MAML1: variants seen among roughly 807,000 people sequenced by gnomAD.
MAML1 encodes mastermind like transcriptional coactivator 1, also known as mastermind-like protein 1.
In MAML1, 14 loss-of-function variants were observed where a neutral mutation model predicts 77.1. The ratio of observed to expected loss-of-function variants is 0.18; its 90% CI spans 0.12 to 0.28. The LOEUF is 0.28. Ranked by LOEUF, MAML1 falls within the 10% of genes least tolerant of loss-of-function variation. MAML1 has a pLI of 1.00. For synonymous variants in MAML1, 516 were observed against 551.9 expected, an observed-to-expected ratio of 0.93 and a Z score of 0.91; for missense variants, 1,217 against 1,327.8, an observed-to-expected ratio of 0.92 and a Z score of 1.30.
chr5:179,753,471 G>T (rs1779545250), intron 1 of MAML1, among the ~76,000 whole-genome samples: 2 of 152,070 alleles, frequency 1.3e-5, no homozygotes, highest in South Asian at 2.1e-4. Flanking sequence ...TGTTTTATTT[G>T]TAAAGGGAAT....
intron 1 of MAML1, among the ~76,000 whole-genome samples, chr5:179,734,365 T>C (rs1171525260): frequency 6.6e-6 from 1 of 152,220 alleles, no homozygotes; most frequent in East Asian, 1.9e-4. Context: ...CTCGAAATGC[T>C]GGAAATCCTT....
chr5:179,775,851 T>G lies in MAML1; in HGVS notation c.*974T>G, dbSNP rs989756391. On this transcript the variant is annotated 3_prime_UTR_variant, in exon 5 of 5. Coordinates refer to ENST00000292599, the MANE Select transcript of MAML1 (RefSeq NM_014757.5). ...TCTCTGCAGCCCAAATGGAAAACAA[T>G]TATTTACTCCATTGGAGGGAAAGGA... 2 of 985,382 alleles carry G rather than the reference T, an allele frequency of 2.0e-6. No individual in the cohort carries two copies. The highest frequency in any genetic ancestry group is 3.5e-5 in the African/African-American group (2 of 57,226). 61.0% of individuals were successfully genotyped at this position (985,382 alleles called of 1,614,324 possible).
intron 1 of MAML1, among the ~76,000 whole-genome samples, chr5:179,753,898 C>T (rs951540957): frequency 8.6e-5 from 13 of 151,730 alleles, no homozygotes; most frequent in African/African-American, 2.9e-4. Flanking sequence ...TCTCGAACTC[C>T]CGACCTCAAG....
At chr5:179,750,446 C>T (rs1207130205) in intron 1 of MAML1, among the ~76,000 whole-genome samples, 1 of 138,650 alleles carries the variant, frequency 7.2e-6, no homozygotes, top group Non-Finnish European at 1.6e-5. Flanking sequence ...GTGGCTGGCT[C>T]AGTCAGCTCT....
In MAML1 at chr5:179,733,315, C is replaced by T; in HGVS notation, c.203C>T (p.Ala68Val). The change falls in exon 1 of 5, where the codon GCC (alanine) becomes GTC (valine). Residue 68 changes from alanine to valine, a missense_variant. By Grantham distance (64) the Ala-to-Val change is moderately conservative. Around this residue, in one of 3 missense-constraint regions of MAML1, gnomAD observed 312 missense variants for 331.4 expected, o/e 0.94. Transcript: ENST00000292599. ...CACCAGCGCTGCATCCAGGCCAAGG[C>T]CAAGCGCGCCGGGAAGCACAGGCAG... ...ALHQRCIQAKAKRAGKHRQPP... is the reference protein window; with the variant it reads ...ALHQRCIQAKVKRAGKHRQPP... The T allele has an allele frequency of 7.2e-7, 1 of 1,392,116 alleles. No homozygotes were observed. Among genetic ancestry groups the T allele is most frequent in the African/African-American group, 1.5e-5 (1 of 66,652 alleles). 86.2% of individuals were successfully genotyped at this position (1,392,116 alleles called of 1,614,324 possible).
At position 179,766,603 on chromosome 5, in the gene MAML1, G is replaced by T. The variant is rs1282819032; in HGVS notation, c.1593G>T (p.Gly531=). Residue 531 remains glycine (G), a synonymous_variant, in exon 2 of 5, where the codon GGG becomes GGT. Coordinates refer to ENST00000292599, the MANE Select transcript of MAML1 (RefSeq NM_014757.5). The surrounding 1 kb of genome is among the most constrained non-coding windows in gnomAD (Gnocchi z 4.0). The stretch of plus-strand genomic sequence containing the variant: ...CGGACTGTGGGCAAGGCAGCCCGGG[G>T]TCTGGCCAGAGCAAGCCAGCCCTGA... The part of the protein sequence containing the change: ...YKADCGQGSP[G]SGQSKPALMA... The T allele has an allele frequency of 4.3e-6, 7 of 1,613,142 alleles. No individual in the cohort carries two copies. In the Admixed American group the frequency reaches 5.0e-5, roughly 12 times the overall value.
At chr5:179,749,649 A>G (rs894202011) in intron 1 of MAML1, among the ~76,000 whole-genome samples, 1 of 152,176 alleles carries the variant, frequency 6.6e-6, no homozygotes, top group African/African-American at 2.4e-5. Context: ...CTAAATCATG[A>G]AAGAGTAAGA....
At chr5:179,744,422 A>G (rs1779342240) in intron 1 of MAML1, among the ~76,000 whole-genome samples, 1 of 152,064 alleles carries the variant, frequency 6.6e-6, no homozygotes, top group Non-Finnish European at 1.5e-5. Context: ...TCCTGACCTC[A>G]TGATCCACCT....
rs61748798 is a variant in MAML1, at chr5:179,765,457, C to G, written c.447C>G (p.Ala149=). ...KTRREAPLGV[A]ISSNGLPPAS... ...GCCGGGAGGCCCCTCTGGGAGTTGCCATCTCTTCCAATGGACTGCCTCCAG... is the reference window on the plus strand; with the variant it reads ...GCCGGGAGGCCCCTCTGGGAGTTGCGATCTCTTCCAATGGACTGCCTCCAG... The change falls in exon 2 of 5, where the codon GCC becomes GCG. Residue 149 remains alanine (A), a synonymous_variant. Coordinates refer to ENST00000292599, the MANE Select transcript of MAML1 (RefSeq NM_014757.5). 1.1e-3 allele frequency: 1,801 copies of G among 1,614,150 alleles called. 18 individuals carry two copies. The African/African-American group carries it at 0.021, about 19-fold the overall frequency.
At chr5:179,749,691 T>A (rs12522263) in intron 1 of MAML1, among the ~76,000 whole-genome samples, 42,797 of 152,006 alleles carry the variant, frequency 0.28, 6,356 homozygotes, top group Non-Finnish European at 0.34. Context: ...CCCAACACAG[T>A]AGACATGGCC....
At position 179,776,829 on chromosome 5, in the gene MAML1, C is replaced by A; in HGVS notation, c.*1952C>A. On this transcript the variant is annotated 3_prime_UTR_variant, in exon 5 of 5. Coordinates refer to ENST00000292599, the MANE Select transcript of MAML1 (RefSeq NM_014757.5). ...GCAATAAAATGTGATTCTTGGGGTC[C>A]CCCCAGGGAGCTGCCCATGGCTTTA... 2 of 985,874 alleles carry A rather than the reference C, an allele frequency of 2.0e-6. No homozygotes were observed. The highest frequency in any genetic ancestry group is 2.4e-6 in the Non-Finnish European group (2 of 829,972). 61.1% of individuals were successfully genotyped at this position (985,874 alleles called of 1,614,324 possible). A position where few individuals can be genotyped will look rare whatever the true frequency, so the allele number is the denominator to read the frequency against.
At position 179,776,767 on chromosome 5, in the gene MAML1, G is replaced by A. The variant is rs1463290452; in HGVS notation, c.*1890G>A. 10 of 985,844 alleles carry A rather than the reference G, an allele frequency of 1.0e-5. No homozygotes were observed. In the East Asian group the frequency reaches 6.8e-4, roughly 67 times the overall value. The allele number at this position is 985,844 out of a possible 1,614,324, so 61.1% of individuals were successfully genotyped here. On this transcript the variant is annotated 3_prime_UTR_variant, in exon 5 of 5. Coordinates refer to ENST00000292599, the MANE Select transcript of MAML1 (RefSeq NM_014757.5). ...ACTCCGCCTTAGTCCTGGGGCCGGC[G>A]ACACAGTGGGGGCTCCTCACTTGCT...
intron 1 of MAML1, among the ~76,000 whole-genome samples, chr5:179,743,778 T>A (rs1779327846): frequency 6.6e-6 from 1 of 152,172 alleles, no homozygotes. Flanking sequence ...GTTACCATAA[T>A]TCAATTTTAT....
chr5:179,772,833 C>T (rs1460375129), intron 4 of MAML1, among the ~76,000 whole-genome samples: 1 of 152,202 alleles, frequency 6.6e-6, no homozygotes, highest in Non-Finnish European at 1.5e-5. Context: ...AACAGCCTCT[C>T]CCCAGCATGG....
rs747158924 is a variant in MAML1 at position 179,766,602 on chromosome 5, G to T, written c.1592G>T (p.Gly531Val). The T allele has an allele frequency of 6.2e-7, 1 of 1,613,140 alleles. No homozygotes were observed. The highest frequency in any genetic ancestry group is 8.5e-7 in the Non-Finnish European group (1 of 1,179,316). ...YKADCGQGSP[G>V]SGQSKPALMA... is the part of the protein sequence containing the mutation. ...GCGGACTGTGGGCAAGGCAGCCCGGGGTCTGGCCAGAGCAAGCCAGCCCTG... is the reference window on the plus strand; with the variant it reads ...GCGGACTGTGGGCAAGGCAGCCCGGTGTCTGGCCAGAGCAAGCCAGCCCTG... The change falls in exon 2 of 5, where the codon GGG becomes GTG. Residue 531 changes from glycine (G) to valine (V), a missense_variant. Transcript: ENST00000292599. This position sits in a 1 kb window ranked among gnomAD's most constrained non-coding sequence, Gnocchi z 4.0.
At position 179,776,962 on chromosome 5, in the gene MAML1, GT is replaced by G. The variant is rs573009457; in HGVS notation, c.*2087del. The G allele has an allele frequency of 9.7e-4, 952 of 985,362 alleles. 1 individual carries two copies. Among genetic ancestry groups the G allele is most frequent in the Non-Finnish European group, 1.1e-3 (923 of 829,574 alleles). 61.0% of individuals were successfully genotyped at this position (985,362 alleles called of 1,614,324 possible). On this transcript the variant is annotated 3_prime_UTR_variant, in exon 5 of 5. Transcript: ENST00000292599. ...AGAAGAAAAGGGTGCTCAGACTTTT[GT>G]TATACACATTTGCTTTGTGTAAATA... is the stretch of plus-strand genomic sequence containing the variant.
In MAML1 at chr5:179,776,914, CCGT is replaced by C. The variant is rs1756146310; in HGVS notation, c.*2039_*2041del. 2 of 985,788 alleles carry C rather than the reference CCGT, an allele frequency of 2.0e-6. No homozygotes were observed. The highest frequency in any genetic ancestry group is 2.4e-6 in the Non-Finnish European group (2 of 829,952). 61.1% of individuals were successfully genotyped at this position (985,788 alleles called of 1,614,324 possible). A position where few individuals can be genotyped will look rare whatever the true frequency, so the allele number is the denominator to read the frequency against. ...GATGACTTTGCTTCTGTGCACAGCCCCGTCTTCCAGGAGCCACAACTCAGAAGA... is the reference window on the plus strand; with the variant it reads ...GATGACTTTGCTTCTGTGCACAGCCCCTTCCAGGAGCCACAACTCAGAAGA... On this transcript the variant is annotated 3_prime_UTR_variant, in exon 5 of 5. Coordinates refer to ENST00000292599, the MANE Select transcript of MAML1 (RefSeq NM_014757.5).
rs1006328034 is a variant in MAML1 at position 179,747,627 on chromosome 5, G to A, written c.315+14200G>A. 3.9e-5 allele frequency among the ~76,000 whole-genome samples: 6 copies of A among 152,000 alleles called. No individual in the cohort carries two copies. In the East Asian group the frequency reaches 1.2e-3, roughly 29 times the overall value. On this transcript the variant is annotated intron_variant, in intron 1 of 4. Transcript: ENST00000292599. ...AGATCGAGACCATCTTGGCTAACAC[G>A]GTGAAACCCCGTCTCTACTAAAAAT...
chr5:179,772,268 G>A (rs1314311828), intron 4 of MAML1, among the ~76,000 whole-genome samples: 1 of 152,068 alleles, frequency 6.6e-6, no homozygotes, highest in East Asian at 1.9e-4. Flanking sequence ...ACAGGCGCCT[G>A]CCACCACGCC....
Sources: allele counts gnomAD v4.1 joint callset (sites outside exome capture counted in the v4.1 genomes callset), GRCh38; gene constraint gnomAD v4.1.1; regional missense constraint gnomAD v4.1.1; non-coding constraint Gnocchi (gnomAD v3.1); transcripts MANE v1.5; gene names NCBI Gene and HGNC (gene_info 2026-07-23, HGNC 2026-07-21).